The following TNS3 variants were observed in gnomAD, a reference collection of about 807,000 sequenced individuals.
TNS3 encodes tensin 3.
A neutral mutation model predicts 140.9 loss-of-function variants in TNS3; 45 were observed. The ratio of observed to expected loss-of-function variants is 0.32; its 90% confidence interval spans 0.25 to 0.41. The LOEUF is 0.41. Ranked by LOEUF, TNS3 falls within the 10% of genes least tolerant of loss-of-function variation. TNS3 has a pLI of 1.00. For missense variants in TNS3, 1,716 were observed against 1,906.7 expected, an observed-to-expected ratio of 0.90 and a Z score of 1.86; for synonymous variants, 815 against 788.4, an observed-to-expected ratio of 1.03 and a Z score of -0.56.
chr7:47,488,755 C>T (rs1232985294), intron 3 of TNS3, among the ~76,000 whole-genome samples: 1 of 152,218 alleles, frequency 6.6e-6, no homozygotes, highest in Non-Finnish European at 1.5e-5. Context: ...CAGGTCGACA[C>T]AGAACGTTCT....
At chr7:47,527,251 A>T (rs1394377914) in intron 2 of TNS3, among the ~76,000 whole-genome samples, 3 of 152,084 alleles carry the variant, frequency 2.0e-5, no homozygotes, top group Non-Finnish European at 2.9e-5. Context: ...ATAAATTAAT[A>T]AATAAATAAA....
chr7:47,355,905 G>C (rs1284927846), intron 17 of TNS3, among the ~76,000 whole-genome samples: 1 of 152,148 alleles, frequency 6.6e-6, no homozygotes, highest in Non-Finnish European at 1.5e-5. Flanking sequence ...CAAGTGTTCA[G>C]GAGCGGACAC....
intron 3 of TNS3, among the ~76,000 whole-genome samples, chr7:47,495,190 CAAAAAAAA>C (rs11353260): frequency 1.4e-4 from 11 of 79,642 alleles, no homozygotes; most frequent in South Asian, 4.1e-4. Flanking sequence ...GACTCCGTCT[CAAAAAAAA>C]AAAAAAAAAA....
intron 8 of TNS3, 100 bp downstream of exon 8, chr7:47,435,182 C>A (rs1479834288): frequency 6.6e-7 from 1 of 1,511,944 alleles, no homozygotes; most frequent in Non-Finnish European, 9.0e-7. Context: ...ATCGCACCAG[C>A]TCAAAGCGGA....
chr7:47,298,194 T>G (rs1786163534), intron 23 of TNS3, among the ~76,000 whole-genome samples: 1 of 152,218 alleles, frequency 6.6e-6, no homozygotes, highest in Non-Finnish European at 1.5e-5. Flanking sequence ...AACAAAAACC[T>G]GGCCTGCAGG....
intron 28 of TNS3, among the ~76,000 whole-genome samples, chr7:47,281,711 C>T (rs1785153936): frequency 6.6e-6 from 1 of 152,134 alleles, no homozygotes; most frequent in Non-Finnish European, 1.5e-5. Flanking sequence ...ATAAAGAATA[C>T]AGGGAAACTA....
chr7:47,556,995 G>A (rs1800212043), intron 1 of TNS3: 4 of 455,746 alleles, frequency 8.8e-6, no homozygotes, highest in South Asian at 6.2e-5. Flanking sequence ...CCCCACAGAC[G>A]ATAACCAGGA....
chr7:47,330,323 G>A (rs1008956132), intron 20 of TNS3, among the ~76,000 whole-genome samples: 6 of 152,184 alleles, frequency 3.9e-5, no homozygotes, highest in African/African-American at 1.4e-4. Flanking sequence ...GTCTCACGCA[G>A]CTCCCACTCT....
chr7:47,477,722 C>T (rs921062911), intron 4 of TNS3, among the ~76,000 whole-genome samples: 1 of 152,204 alleles, frequency 6.6e-6, no homozygotes, highest in Admixed American at 6.5e-5. Flanking sequence ...CAATTCCATG[C>T]CCATCCAAAA....
chr7:47,330,227 C>T lies in TNS3; in HGVS notation c.2650+14528G>A, dbSNP rs946952810. Among the ~76,000 whole-genome samples the T allele has an allele frequency of 4.6e-5, 7 of 152,266 alleles. No individual in the cohort carries two copies. In the Middle Eastern group the frequency reaches 0.014, roughly 296 times the overall value. ...CCCACTGCACCTTAGCAAAATCAAG[C>T]AGGGGTGCAAATCAGACACCTGGAA... On this transcript the variant is annotated intron_variant, in intron 20 of 30. Transcript: ENST00000311160.
chr7:47,430,745 G>A (rs1366312782), intron 8 of TNS3, among the ~76,000 whole-genome samples: 4 of 149,856 alleles, frequency 2.7e-5, no homozygotes, highest in African/African-American at 7.4e-5. Context: ...TTTTTTAATG[G>A]AGTCTCCCTC....
chr7:47,305,645 G>C (rs145458788), intron 20 of TNS3, among the ~76,000 whole-genome samples: 7 of 152,242 alleles, frequency 4.6e-5, no homozygotes, highest in African/African-American at 1.4e-4. Context: ...AGCCACCCTC[G>C]CAGGTGGGCC....
At chr7:47,531,276 T>A (rs1799395972) in intron 1 of TNS3, among the ~76,000 whole-genome samples, 1 of 151,748 alleles carries the variant, frequency 6.6e-6, no homozygotes, top group Non-Finnish European at 1.5e-5. Flanking sequence ...ATAAACAAAA[T>A]AGAATAAAAC....
intron 17 of TNS3, among the ~76,000 whole-genome samples, chr7:47,347,475 G>A (rs1251722632): frequency 6.6e-6 from 1 of 152,088 alleles, no homozygotes; most frequent in East Asian, 1.9e-4. Flanking sequence ...CTGCCTGAGA[G>A]GAGCAGCAGG....
In TNS3 at chr7:47,441,943, C is replaced by G. The variant is rs1795485244; in HGVS notation, c.-23+60G>C. ...AAATGATGCCATGCCCAAGTTTCCTCTGTAGAGAGCTGACCTACAGCCAGA... is the reference window on the plus strand; with the variant it reads ...AAATGATGCCATGCCCAAGTTTCCTGTGTAGAGAGCTGACCTACAGCCAGA... On this transcript the variant is annotated intron_variant, in intron 5 of 30. Coordinates refer to ENST00000311160, the MANE Select transcript of TNS3 (RefSeq NM_022748.12). 2.0e-5 allele frequency: 24 copies of G among 1,202,796 alleles called. No homozygotes were observed. The South Asian group carries it at 3.0e-4, about 15-fold the overall frequency. The allele number at this position is 1,202,796 out of a possible 1,614,324, so 74.5% of individuals were successfully genotyped here.
chr7:47,453,552 A>C (rs904980592), intron 4 of TNS3, among the ~76,000 whole-genome samples: 2 of 152,176 alleles, frequency 1.3e-5, no homozygotes, highest in Non-Finnish European at 2.9e-5. Context: ...CTTCATTCCA[A>C]ATAGAATTTG....
intron 17 of TNS3, among the ~76,000 whole-genome samples, chr7:47,367,142 C>T (rs960293318): frequency 1.3e-5 from 2 of 152,204 alleles, no homozygotes; most frequent in Non-Finnish European, 2.9e-5. Flanking sequence ...CTCTGTCTCT[C>T]CACCTTCTGT....
chr7:47,301,121 T>C (rs1446536608), intron 23 of TNS3, among the ~76,000 whole-genome samples: 1 of 152,204 alleles, frequency 6.6e-6, no homozygotes, highest in Non-Finnish European at 1.5e-5. Context: ...GATTTTCTTC[T>C]GAAGTTGAGG....
At chr7:47,482,195 T>A (rs1797445295) in intron 3 of TNS3, among the ~76,000 whole-genome samples, 1 of 152,218 alleles carries the variant, frequency 6.6e-6, no homozygotes, top group African/African-American at 2.4e-5. Context: ...CGAAGGAGAA[T>A]CGTAGAGAAT....
Sources: gnomAD v4.1 joint callset for allele counts (sites outside exome capture counted in the v4.1 genomes callset) on GRCh38, gnomAD v4.1.1 for gene constraint, MANE v1.5 for transcripts, NCBI Gene and HGNC (gene_info 2026-07-23, HGNC 2026-07-21) for gene names.